Variants in GRIP1 observed in about 807,000 individuals in gnomAD.
GRIP1 encodes glutamate receptor interacting protein 1.
A neutral mutation model predicts 129.9 loss-of-function variants in GRIP1; 45 were observed. The ratio of observed to expected loss-of-function variants is 0.35; its 90% CI spans 0.27 to 0.44. The LOEUF (loss-of-function observed/expected upper bound fraction) is 0.44. Ranked by LOEUF, GRIP1 falls within the 20% of genes least tolerant of loss-of-function variation. The probability of loss-of-function intolerance (pLI) is 1.00; values close to 1 mark genes in which losing one functional copy is unlikely to be tolerated. For synonymous variants in GRIP1, 530 were observed against 520.8 expected (o/e 1.02, Z -0.24); for missense variants, 1,196 against 1,396.8 (o/e 0.86, Z 2.29).
At chr12:66,988,387 T>TC (rs1264243361) in intron 1 of GRIP1, among the ~76,000 whole-genome samples, 2 of 152,150 alleles carry the variant, frequency 1.3e-5, no homozygotes, top group Non-Finnish European at 2.9e-5. Flanking sequence ...TTTTTCTTTT[T>TC]CTTTTTTTTT....
At chr12:66,506,716 G>A (rs1272323345) in intron 7 of GRIP1, among the ~76,000 whole-genome samples, 1 of 152,102 alleles carries the variant, frequency 6.6e-6, no homozygotes, top group East Asian at 1.9e-4. Context: ...TTCTAATTTA[G>A]TAATATAAAA....
At chr12:66,506,976 TA>T (rs1406907051) in intron 7 of GRIP1, among the ~76,000 whole-genome samples, 1 of 152,218 alleles carries the variant, frequency 6.6e-6, no homozygotes, top group Non-Finnish European at 1.5e-5. Flanking sequence ...ATTTAAAACT[TA>T]TAGACTTCTT....
chr12:66,748,556 C>T (rs1450623218), intron 1 of GRIP1, among the ~76,000 whole-genome samples: 1 of 152,124 alleles, frequency 6.6e-6, no homozygotes, highest in Non-Finnish European at 1.5e-5. Context: ...CCAACTAACC[C>T]CAAGCTGTAC....
At chr12:66,729,380 T>C (rs1366680167) in intron 1 of GRIP1, among the ~76,000 whole-genome samples, 1 of 152,182 alleles carries the variant, frequency 6.6e-6, no homozygotes, top group East Asian at 1.9e-4. Context: ...TAAAGGCAAA[T>C]AGTGAGCATA....
At chr12:66,654,545 G>C (rs190174102) in intron 1 of GRIP1, among the ~76,000 whole-genome samples, 110 of 152,312 alleles carry the variant, frequency 7.2e-4, no homozygotes, top group Non-Finnish European at 1.3e-3. Flanking sequence ...AGAGAGAAAT[G>C]TGCTTTATAA....
chr12:66,710,570 G>T (rs1389369180), intron 1 of GRIP1, among the ~76,000 whole-genome samples: 1 of 151,860 alleles, frequency 6.6e-6, no homozygotes. Flanking sequence ...TTAACAAAAT[G>T]CAGGAAACCA....
intron 2 of GRIP1, among the ~76,000 whole-genome samples, chr12:66,584,802 C>T (rs1195854610): frequency 1.3e-5 from 2 of 151,940 alleles, no homozygotes; most frequent in Admixed American, 1.3e-4. Context: ...ATCCACTCTC[C>T]CAGTCTTTGA....
rs181682420 is a variant in GRIP1 at position 66,648,782 on chromosome 12, C to G, written c.55+30068G>C. 8.0e-4 allele frequency among the ~76,000 whole-genome samples: 122 copies of G among 152,266 alleles called. 1 individual carries two copies. The East Asian group carries it at 0.021, about 26-fold the overall frequency. Reference sequence around the variant, plus strand: ...CAGACTGTCCAGTATGCTTCCACAGCTCAAAGTCCAATTTTAACTGGAGAT... The same window carrying G: ...CAGACTGTCCAGTATGCTTCCACAGGTCAAAGTCCAATTTTAACTGGAGAT... On this transcript the variant is annotated intron_variant, in intron 1 of 24. Transcript: ENST00000359742.
At chr12:66,611,988 T>C (rs2064817543) in intron 1 of GRIP1, among the ~76,000 whole-genome samples, 1 of 152,182 alleles carries the variant, frequency 6.6e-6, no homozygotes, top group Non-Finnish European at 1.5e-5. Flanking sequence ...TGAAACTTGG[T>C]TCCTCCATTT....
chr12:66,421,994 G>A (rs1451831840), intron 14 of GRIP1, among the ~76,000 whole-genome samples: 1 of 152,096 alleles, frequency 6.6e-6, no homozygotes, highest in Non-Finnish European at 1.5e-5. Context: ...AAAACAATTT[G>A]CCTCCAAGAG....
At chr12:66,889,353 C>G (rs901875499) in intron 1 of GRIP1, among the ~76,000 whole-genome samples, 1 of 151,960 alleles carries the variant, frequency 6.6e-6, no homozygotes, top group Admixed American at 6.6e-5. Flanking sequence ...ACCAGCTACT[C>G]GGGAGGCTGA....
intron 1 of GRIP1, among the ~76,000 whole-genome samples, chr12:66,699,443 C>T (rs117166311): frequency 1.3e-5 from 2 of 152,124 alleles, no homozygotes; most frequent in East Asian, 1.9e-4. Context: ...TTCCCTCATA[C>T]TGTTCTCATG....
intron 1 of GRIP1, among the ~76,000 whole-genome samples, chr12:67,039,771 A>G (rs541325220): frequency 6.6e-6 from 1 of 152,338 alleles, no homozygotes; most frequent in African/African-American, 2.4e-5. Flanking sequence ...GGATCCTTGC[A>G]TGCACAGTTC....
chr12:66,921,412 G>A (rs2041210760), intron 1 of GRIP1, among the ~76,000 whole-genome samples: 1 of 152,128 alleles, frequency 6.6e-6, no homozygotes, highest in Admixed American at 6.5e-5. Flanking sequence ...AAAGGTATCT[G>A]GGCTACCTCC....
At chr12:66,635,563 G>A (rs576584407) in intron 1 of GRIP1, among the ~76,000 whole-genome samples, 80 of 151,978 alleles carry the variant, frequency 5.3e-4, no homozygotes, top group Non-Finnish European at 1.1e-3. Flanking sequence ...TATTCAACAA[G>A]ATAAGGAATC....
intron 1 of GRIP1, among the ~76,000 whole-genome samples, chr12:66,693,849 T>C (rs975080129): frequency 2.6e-5 from 4 of 152,212 alleles, no homozygotes; most frequent in African/African-American, 9.6e-5. Flanking sequence ...TGAAGGACTA[T>C]GCTCAGGAAG....
chr12:66,372,309 C>G (rs548239769), intron 22 of GRIP1: 1 of 316,820 alleles, frequency 3.2e-6, no homozygotes, highest in Non-Finnish European at 6.1e-6. Context: ...ATATATCTTA[C>G]AGAAACGAAT....
chr12:66,551,236 C>T (rs1392878338), intron 2 of GRIP1, among the ~76,000 whole-genome samples: 1 of 152,228 alleles, frequency 6.6e-6, no homozygotes, highest in Non-Finnish European at 1.5e-5. Flanking sequence ...ATCACTGCCT[C>T]TACCTTTCTG....
chr12:66,848,436 G>A (rs755722901), intron 1 of GRIP1, among the ~76,000 whole-genome samples: 4 of 152,136 alleles, frequency 2.6e-5, no homozygotes, highest in Non-Finnish European at 5.9e-5. Flanking sequence ...GTGGGGAGCT[G>A]ACAATCCAAA....
Sources: allele counts gnomAD v4.1 joint callset (sites outside exome capture counted in the v4.1 genomes callset), GRCh38; gene constraint gnomAD v4.1.1; transcripts MANE v1.5; gene names NCBI Gene and HGNC (gene_info 2026-07-23, HGNC 2026-07-21).